The following DST variants were observed in gnomAD, a reference collection of about 807,000 sequenced individuals.
DST encodes dystonin, also known as bullous pemphigoid antigen.
In DST, 253 loss-of-function variants were observed where a neutral mutation model predicts 875.2. That is an observed-to-expected ratio of 0.29 (90% CI 0.26 to 0.32). The LOEUF (loss-of-function observed/expected upper bound fraction) is 0.32, where lower values mean the gene tolerates loss of function less well. DST is among the 10% of genes least tolerant of loss of function. DST has a pLI of 1.00. For missense variants in DST, 8,287 were observed against 9,111.6 expected, an observed-to-expected ratio of 0.91 and a Z score of 3.68; for synonymous variants, 3,124 against 3,197.1, an observed-to-expected ratio of 0.98 and a Z score of 0.77.
chr6:56,485,519 TCATATATCTGAA>T (rs1464824331), intron 87 of DST, 48 bp from the exon 88 acceptor site: 3 of 1,562,406 alleles, frequency 1.9e-6, no homozygotes, highest in Non-Finnish European at 2.6e-6. Context: ...AAAACGTCAC[TCATATATCTGAA>T]CATCTAAAAT....
chr6:56,617,926 G>T, intron 36 of DST: 1 of 1,461,072 alleles, frequency 6.8e-7, no homozygotes, highest in Non-Finnish European at 9.6e-7. Context: ...GGAGAGAAAG[G>T]AAACAAATGA....
chr6:56,865,095 A>G (rs1432353540), intron 3 of DST, among the ~76,000 whole-genome samples: 4 of 152,176 alleles, frequency 2.6e-5, no homozygotes, highest in African/African-American at 9.7e-5. Flanking sequence ...CCTAGATCAC[A>G]ATTTTTCCTG....
At chr6:56,934,588 A>ATC (rs1812027990) in intron 2 of DST, among the ~76,000 whole-genome samples, 4 of 125,510 alleles carry the variant, frequency 3.2e-5, no homozygotes, top group Non-Finnish European at 6.8e-5. Flanking sequence ...ATATATATAT[A>ATC]TCGTGAGAGA....
chr6:56,501,490 T>A, intron 79 of DST, 30 bp downstream of exon 79: 1 of 1,433,670 alleles, frequency 7.0e-7, no homozygotes, highest in Non-Finnish European at 9.2e-7. Flanking sequence ...TGAAAATTTA[T>A]AATTTCTTAA....
intron 2 of DST, among the ~76,000 whole-genome samples, chr6:56,941,077 T>C (rs1177101284): frequency 6.6e-6 from 1 of 152,182 alleles, no homozygotes; most frequent in African/African-American, 2.4e-5. Flanking sequence ...CTACTTATTT[T>C]GTGTTTAGTT....
intron 4 of DST, among the ~76,000 whole-genome samples, chr6:56,838,606 A>T (rs1205271411): frequency 1.4e-4 from 21 of 152,340 alleles, no homozygotes; most frequent in Admixed American, 1.4e-3. Flanking sequence ...CTTCTTTTTA[A>T]AGTCTCTGGG....
At chr6:56,526,216 T>C in intron 69 of DST, 145 bp downstream of exon 69, 1 of 875,148 alleles carries the variant, frequency 1.1e-6, no homozygotes, top group Non-Finnish European at 1.7e-6. Context: ...AGAAGCCCAG[T>C]CAACTTCTTT....
In DST at chr6:56,631,401, A is replaced by C; in HGVS notation, c.3964-12T>G. ...TCTTTCTTTAGTTTCTATAAAACAG[A>C]GAACAAACAAAGGTATCAGGCCATC... On this transcript the variant is annotated splice_polypyrimidine_tract_variant and intron_variant, in intron 29 of 103. Coordinates refer to ENST00000680361, the MANE Select transcript of DST (RefSeq NM_001374736.1). The C allele has an allele frequency of 1.2e-6, 2 of 1,612,518 alleles. No individual in the cohort carries two copies. Among genetic ancestry groups the C allele is most frequent in the Non-Finnish European group, 1.7e-6 (2 of 1,178,892 alleles).
intron 9 of DST, among the ~76,000 whole-genome samples, chr6:56,682,382 T>A (rs1046109098): frequency 1.3e-5 from 2 of 152,132 alleles, no homozygotes; most frequent in Non-Finnish European, 2.9e-5. Context: ...AAAACTGACA[T>A]AAAAATATTG....
chr6:56,689,345 ATCT>A, intron 9 of DST, among the ~76,000 whole-genome samples: 1 of 152,324 alleles, frequency 6.6e-6, no homozygotes, highest in Middle Eastern at 3.4e-3. Context: ...AAGAACTTCG[ATCT>A]TCTGCCTGCC....
intron 5 of DST, among the ~76,000 whole-genome samples, chr6:56,716,518 A>T (rs2099395103): frequency 6.6e-6 from 1 of 152,224 alleles, no homozygotes; most frequent in Non-Finnish European, 1.5e-5. Context: ...ATTATTTTTT[A>T]AAAACTTAAC....
chr6:56,604,339 C>G lies in DST; in HGVS notation c.10289G>C (p.Ser3430Thr), dbSNP rs769717227. The change falls in exon 40 of 104, where the codon AGT becomes ACT. Residue 3430 changes from serine (S) to threonine (T), a missense_variant. Coordinates refer to ENST00000680361, the MANE Select transcript of DST (RefSeq NM_001374736.1). ...TCCAATACAGAAAGGATCATCTCTA[C>G]TTTCTGGCTTTAGTTCTGATGAGTT... ...MTNSSELKPE[S>T]RDDPFCIGNL... The G allele has an allele frequency of 6.2e-7, 1 of 1,612,306 alleles. No individual in the cohort carries two copies. Among genetic ancestry groups the G allele is most frequent in the African/African-American group, 1.3e-5 (1 of 74,864 alleles).
intron 31 of DST, 120 bp from the exon 32 acceptor site, chr6:56,629,563 G>T: frequency 2.6e-6 from 2 of 782,162 alleles, no homozygotes; most frequent in Admixed American, 2.3e-5. Context: ...ATAAAGGAAA[G>T]AATATCTTTC....
At chr6:56,752,469 T>C (rs1184207042) in intron 4 of DST, among the ~76,000 whole-genome samples, 2 of 152,216 alleles carry the variant, frequency 1.3e-5, no homozygotes, top group Non-Finnish European at 2.9e-5. Context: ...AGTTATCTTG[T>C]GCCTCTTTGC....
intron 5 of DST, among the ~76,000 whole-genome samples, chr6:56,706,349 C>T (rs774854904): frequency 1.5e-4 from 22 of 151,664 alleles, no homozygotes; most frequent in Non-Finnish European, 3.1e-4. Flanking sequence ...AAAGAAAAAC[C>T]TGTAAATAAC....
chr6:56,463,205 A>T (rs757699674), intron 101 of DST, 49 bp from the exon 102 acceptor site: 4 of 1,133,558 alleles, frequency 3.5e-6, no homozygotes, highest in Middle Eastern at 2.0e-4. Context: ...AGATAAAAAA[A>T]ACAAAGCCAC....
chr6:56,482,152 A>G lies in DST; in HGVS notation c.21429T>C (p.His7143=). 6.2e-7 allele frequency: 1 copy of G among 1,610,708 alleles called. No homozygotes were observed. Residue 7143 remains histidine (H), a synonymous_variant, in exon 90 of 104, where the codon CAT becomes CAC. Transcript: ENST00000680361. ...RQAEEFHSVV[H]ALLEWLAEAE... The stretch of plus-strand genomic sequence containing the variant: ...CCTCAGCCAGCCACTCCAAGAGGGC[A>G]TGTACCACCGAGTGGAATTCCTCTG...
chr6:56,888,347 A>C (rs1332412327), intron 3 of DST, among the ~76,000 whole-genome samples: 1 of 152,204 alleles, frequency 6.6e-6, no homozygotes, highest in Non-Finnish European at 1.5e-5. Flanking sequence ...GGTGTCATTC[A>C]AAAAAATTCT....
chr6:56,747,328 G>C (rs1429712685), intron 4 of DST, among the ~76,000 whole-genome samples: 1 of 152,134 alleles, frequency 6.6e-6, no homozygotes, highest in Non-Finnish European at 1.5e-5. Context: ...CCAGTCATCA[G>C]ATCTCCTGCC....
Sources: gnomAD v4.1 joint callset for allele counts (sites outside exome capture counted in the v4.1 genomes callset) on GRCh38, gnomAD v4.1.1 for gene constraint, MANE v1.5 for transcripts, NCBI Gene and HGNC (gene_info 2026-07-23, HGNC 2026-07-21) for gene names.